The following DLG2 variants were observed in gnomAD, a reference collection of about 807,000 sequenced individuals.
DLG2 encodes the protein discs large MAGUK scaffold protein 2.
Under a neutral mutation model 132.5 loss-of-function variants are expected in DLG2, and 45 were observed. The observed-to-expected ratio is 0.34, with a 90% CI of 0.27 to 0.44. DLG2 has a LOEUF of 0.44. Among genes scored for constraint, DLG2 ranks in the 20% least tolerant of loss-of-function variants. DLG2 has a pLI of 1.00. For synonymous variants in DLG2, 424 were observed against 419.6 expected (o/e 1.01, Z -0.13); for missense variants, 1,045 against 1,196.9 (o/e 0.87, Z 1.87).
chr11:85,301,437 T>C (rs1003122101), intron 3 of DLG2, among the ~76,000 whole-genome samples: 48 of 152,146 alleles, frequency 3.2e-4, no homozygotes, highest in African/African-American at 1.1e-3. Flanking sequence ...AAAGCAAATA[T>C]ATGGTACAAA....
intron 3 of DLG2, among the ~76,000 whole-genome samples, chr11:85,411,795 C>T (rs531768572): frequency 2.6e-5 from 4 of 151,832 alleles, no homozygotes; most frequent in South Asian, 2.1e-4. Context: ...AATTCCAATA[C>T]AAAAAATAGC....
intron 6 of DLG2, among the ~76,000 whole-genome samples, chr11:84,658,651 G>C (rs558790376): frequency 5.0e-4 from 76 of 152,186 alleles, no homozygotes; most frequent in African/African-American, 1.7e-3. Context: ...GTTCATACAA[G>C]AGTTGGTTGT....
intron 6 of DLG2, among the ~76,000 whole-genome samples, chr11:85,049,156 A>C (rs2062645805): frequency 6.6e-6 from 1 of 152,020 alleles, no homozygotes; most frequent in Non-Finnish European, 1.5e-5. Flanking sequence ...ACGTATGTCA[A>C]AGTTCATAGA....
intron 8 of DLG2, among the ~76,000 whole-genome samples, chr11:84,168,852 A>ACACACACACAC (rs1566792684): frequency 1.4e-5 from 1 of 72,478 alleles, no homozygotes. Flanking sequence ...CACACACACA[A>ACACACACACAC]ACACACACAC....
chr11:83,597,590 C>T (rs189867043), intron 19 of DLG2, among the ~76,000 whole-genome samples: 15 of 150,648 alleles, frequency 1.0e-4, no homozygotes, highest in African/African-American at 3.7e-4. Flanking sequence ...GCCCCAGCTA[C>T]TCAGGAGGCT....
At chr11:85,074,455 G>T (rs1238967782) in intron 6 of DLG2, among the ~76,000 whole-genome samples, 1 of 151,740 alleles carries the variant, frequency 6.6e-6, no homozygotes, top group African/African-American at 2.4e-5. Context: ...CAAGACACAG[G>T]CTAGAAGGAT....
In DLG2 at chr11:85,543,581, G is replaced by T. The variant is rs189703698; in HGVS notation, c.40+55076C>A. On this transcript the variant is annotated intron_variant, in intron 3 of 27. Coordinates refer to ENST00000376104, the MANE Select transcript of DLG2 (RefSeq NM_001142699.3). ...TGCCACACTGTCTTCCACAATGGTT[G>T]AACTAATTTACACTCCCACCAACAA... is the stretch of plus-strand genomic sequence containing the variant. Among the ~76,000 whole-genome samples the T allele has an allele frequency of 5.6e-3, 852 of 152,194 alleles. 6 individuals carry two copies. Among genetic ancestry groups the T allele is most frequent in the African/African-American group, 0.02 (815 of 41,516 alleles).
At chr11:83,532,843 A>G in intron 20 of DLG2, 60 bp from the exon 21 acceptor site, 1 of 1,413,014 alleles carries the variant, frequency 7.1e-7, no homozygotes, top group East Asian at 2.3e-5. Flanking sequence ...ACTAAGTTCC[A>G]TATTAAGTGA....
In DLG2 at chr11:83,506,388, G is replaced by C. The variant is rs924183930; in HGVS notation, c.2194-22160C>G. The stretch of plus-strand genomic sequence containing the variant: ...ACCTTTAATATCCATTTCCATGCCT[G>C]TTCTCCAGATTTATGTTTATATTCA... On this transcript the variant is annotated intron_variant, in intron 21 of 27. Transcript: ENST00000376104. Among the ~76,000 whole-genome samples the C allele has an allele frequency of 3.9e-5, 6 of 152,084 alleles. No homozygotes were observed. In the East Asian group the frequency reaches 1.2e-3, roughly 29 times the overall value.
chr11:84,656,165 T>C (rs1442293033), intron 6 of DLG2, among the ~76,000 whole-genome samples: 1 of 152,174 alleles, frequency 6.6e-6, no homozygotes, highest in Non-Finnish European at 1.5e-5. Context: ...TTGTTTCACA[T>C]GGCATGCATC....
intron 11 of DLG2, among the ~76,000 whole-genome samples, chr11:84,054,731 C>A (rs1235695104): frequency 1.3e-5 from 2 of 151,972 alleles, no homozygotes; most frequent in African/African-American, 4.8e-5. Flanking sequence ...CAAATCAATA[C>A]AGAGTACGAA....
At chr11:84,838,271 C>G (rs973042307) in intron 6 of DLG2, among the ~76,000 whole-genome samples, 1 of 151,798 alleles carries the variant, frequency 6.6e-6, no homozygotes, top group Non-Finnish European at 1.5e-5. Flanking sequence ...CAGCTATTTA[C>G]TAGGAGTTCC....
chr11:84,496,661 AG>A (rs951411728), intron 7 of DLG2, among the ~76,000 whole-genome samples: 6 of 152,268 alleles, frequency 3.9e-5, no homozygotes, highest in Non-Finnish European at 2.9e-5. Context: ...AAGCCCATCC[AG>A]GGGAAAACTT....
At position 84,748,574 on chromosome 11, in the gene DLG2, C is replaced by A. The variant is rs185532627; in HGVS notation, c.358-213843G>T. 8.5e-5 allele frequency among the ~76,000 whole-genome samples: 13 copies of A among 152,274 alleles called. No homozygotes were observed. In the East Asian group the frequency reaches 2.5e-3, roughly 29 times the overall value. On this transcript the variant is annotated intron_variant, in intron 6 of 27. Coordinates refer to ENST00000376104, the MANE Select transcript of DLG2 (RefSeq NM_001142699.3). ...TATAAAAATAAATACGCTAGATATT[C>A]ATTTGCTTATTTGCTAATTTATTTG...
At chr11:84,819,106 C>CACACACACACACACACAA (rs769677741) in intron 6 of DLG2, among the ~76,000 whole-genome samples, 10 of 150,440 alleles carry the variant, frequency 6.6e-5, no homozygotes, top group Non-Finnish European at 1.0e-4. Flanking sequence ...CACACACACA[C>CACACACACACACACACAA]AATTTCGTTT....
intron 6 of DLG2, among the ~76,000 whole-genome samples, chr11:84,747,896 TAGA>T (rs2065589053): frequency 6.6e-6 from 1 of 152,150 alleles, no homozygotes; most frequent in Non-Finnish European, 1.5e-5. Context: ...CTGCGCCTAA[TAGA>T]AGGAGACAAC....
At chr11:84,448,541 G>T (rs2154480298) in intron 7 of DLG2, among the ~76,000 whole-genome samples, 1 of 151,942 alleles carries the variant, frequency 6.6e-6, no homozygotes, top group African/African-American at 2.4e-5. Flanking sequence ...TGCTGTTTCT[G>T]CTGTCTGCAG....
At chr11:83,501,378 T>A (rs1018701702) in intron 21 of DLG2, among the ~76,000 whole-genome samples, 1 of 152,046 alleles carries the variant, frequency 6.6e-6, no homozygotes, top group Non-Finnish European at 1.5e-5. Flanking sequence ...AACTGATCAG[T>A]GTTGGGCAGG....
chr11:85,564,078 T>C (rs191221157), intron 3 of DLG2, among the ~76,000 whole-genome samples: 12 of 152,198 alleles, frequency 7.9e-5, no homozygotes, highest in Non-Finnish European at 1.6e-4. Context: ...TACTTGCCAT[T>C]AGAATATCTT....
Sources: allele counts gnomAD v4.1 joint callset (sites outside exome capture counted in the v4.1 genomes callset), GRCh38; gene constraint gnomAD v4.1.1; transcripts MANE v1.5; gene names NCBI Gene and HGNC (gene_info 2026-07-23, HGNC 2026-07-21).